TAF1: variants seen among roughly 807,000 people sequenced by gnomAD.
TAF1 encodes the protein TATA-box binding protein associated factor 1.
In TAF1, 2 loss-of-function variants were observed where a neutral mutation model predicts 138.5. The ratio of observed to expected loss-of-function variants is 0.01; its 90% CI spans 0.01 to 0.05. TAF1 has a LOEUF of 0.05. Ranked by LOEUF, TAF1 falls within the 10% of genes least tolerant of loss-of-function variation. The probability of loss-of-function intolerance (pLI) is 1.00; values close to 1 mark genes in which losing one functional copy is unlikely to be tolerated. For missense variants in TAF1, 709 were observed against 1,478.0 expected (o/e 0.48, Z 8.53); for synonymous variants, 437 against 503.2 (o/e 0.87, Z 1.76).
chrX:71,436,724 A>G (rs1373576359), intron 32 of TAF1, among the ~76,000 whole-genome samples: 1 of 111,391 alleles, frequency 9.0e-6, no homozygotes, highest in African/African-American at 3.3e-5. Flanking sequence ...TGCTTCATTG[A>G]TCTATTTGTC....
In TAF1 at chrX:71,458,326, T is replaced by G. The variant is rs763854338; in HGVS notation, c.5024T>G (p.Leu1675Trp). Residue 1675 changes from leucine (L) to tryptophan (W), a missense_variant, in exon 35 of 38, where the codon TTG becomes TGG. Transcript: ENST00000423759. ...VFQDESNMSVLDIPSATPEKQ... is the reference protein window; with the variant it reads ...VFQDESNMSVWDIPSATPEKQ... The stretch of plus-strand genomic sequence containing the variant: ...CAAGATGAGAGCAATATGTCTGTCT[T>G]GGATATTCCCAGTGCCACTCCAGAA... 46 of 1,210,516 alleles carry G rather than the reference T, an allele frequency of 3.8e-5. No individual in the cohort carries two copies. Among genetic ancestry groups the G allele is most frequent in the Non-Finnish European group, 4.6e-5 (41 of 895,302 alleles).
At chrX:71,389,746 A>G in intron 18 of TAF1, 81 bp downstream of exon 18, 7 of 810,524 alleles carry the variant, frequency 8.6e-6, no homozygotes, top group Non-Finnish European at 1.2e-5. Flanking sequence ...TTGAGATAAC[A>G]TAAAATAAAC....
intron 28 of TAF1, among the ~76,000 whole-genome samples, chrX:71,412,422 C>T (rs1486326971): frequency 1.8e-5 from 2 of 111,498 alleles, no homozygotes; most frequent in Admixed American, 1.9e-4. Context: ...AGCCATTGTG[C>T]CCAACCTCAT....
chrX:71,508,986 T>C (rs1256540766), intron 13 of TAF1, among the ~76,000 whole-genome samples: 1 of 108,858 alleles, frequency 9.2e-6, no homozygotes, highest in Non-Finnish European at 1.9e-5. Context: ...TTTTTTTTTT[T>C]TTGTAGAGGT....
intron 3 of TAF1, among the ~76,000 whole-genome samples, chrX:71,371,334 A>G (rs1214271047): frequency 1.8e-5 from 2 of 111,457 alleles, no homozygotes; most frequent in African/African-American, 6.5e-5. Context: ...CTTCTTTGGA[A>G]TAATTGGAAG....
At chrX:71,466,207 T>C (rs1340880430), downstream of TAF1, 1 of 111,396 alleles carries the variant, frequency 9.0e-6, no homozygotes, top group Admixed American at 9.6e-5. Context: ...GGTGAGTACA[T>C]GGTATTCATT....
At chrX:71,390,463 C>T (rs1310060795) in intron 18 of TAF1, among the ~76,000 whole-genome samples, 1 of 111,828 alleles carries the variant, frequency 8.9e-6, no homozygotes, top group Admixed American at 9.5e-5. Context: ...CCCCTCATTC[C>T]ACCCTGGATT....
At chrX:71,499,270 A>G (rs2039453301) in intron 13 of TAF1, among the ~76,000 whole-genome samples, 1 of 111,580 alleles carries the variant, frequency 9.0e-6, no homozygotes, top group African/African-American at 3.3e-5. Context: ...TCTGAGGGCC[A>G]TGACTAAGGC....
chrX:71,402,518 C>T (rs987042736), intron 25 of TAF1, among the ~76,000 whole-genome samples: 3 of 112,180 alleles, frequency 2.7e-5, no homozygotes, highest in Non-Finnish European at 5.6e-5. Context: ...GGATTACAGG[C>T]GTGAGCCATC....
intron 29 of TAF1, 100 bp downstream of exon 29, chrX:71,421,476 G>T: frequency 2.9e-6 from 2 of 687,350 alleles, no homozygotes; most frequent in Non-Finnish European, 4.5e-6. Context: ...AAAAATATAT[G>T]CGGGAGTAGC....
intron 32 of TAF1, among the ~76,000 whole-genome samples, chrX:71,428,984 G>A (rs1390286609): frequency 1.8e-5 from 2 of 111,857 alleles, no homozygotes; most frequent in African/African-American, 6.5e-5. Context: ...CCTCATATAG[G>A]AAGCAGGGAG....
intron 13 of TAF1, among the ~76,000 whole-genome samples, chrX:71,501,336 TGAGCCCGG>T (rs1206290515): frequency 9.0e-6 from 1 of 111,092 alleles, no homozygotes; most frequent in Admixed American, 9.7e-5. Context: ...TTCTGATTGC[TGAGCCCGG>T]GTGCCTAAAG....
intron 32 of TAF1, among the ~76,000 whole-genome samples, chrX:71,425,618 C>G (rs913881454): frequency 2.7e-5 from 3 of 111,343 alleles, no homozygotes; most frequent in Non-Finnish European, 3.8e-5. Context: ...GCACTACATC[C>G]TGGGCAACAG....
In TAF1 at chrX:71,367,553, A is replaced by C; in HGVS notation, c.175A>C (p.Thr59Pro). ...GGCTTTGGGGCTGGGCAGCCTGATC[A>C]CTGAACTCACGGCAAATGAAGAATT... is the stretch of plus-strand genomic sequence containing the variant. The part of the protein sequence containing the change: ...LGALGLGSLI[T>P]ELTANEELTG... Residue 59 changes from threonine (T) to proline (P), a missense_variant, in exon 2 of 38, where the codon ACT (threonine) becomes CCT (proline). By Grantham distance (38) the Thr-to-Pro change is conservative. Transcript: ENST00000423759. 8.3e-7 allele frequency: 1 copy of C among 1,211,862 alleles called. No individual in the cohort carries two copies. The highest frequency in any genetic ancestry group is 1.1e-6 in the Non-Finnish European group (1 of 895,575).
At chrX:71,496,198 G>T (rs186916422) in intron 13 of TAF1, among the ~76,000 whole-genome samples, 1 of 112,430 alleles carries the variant, frequency 8.9e-6, no homozygotes, top group Non-Finnish European at 1.9e-5. Context: ...GTCCTGTCCT[G>T]AAGGGAGTTC....
At chrX:71,444,263 C>T (rs973107202) in intron 32 of TAF1, among the ~76,000 whole-genome samples, 1 of 112,495 alleles carries the variant, frequency 8.9e-6, no homozygotes, top group Non-Finnish European at 1.9e-5. Context: ...CTTCCTCAGC[C>T]TCCCAAAGTG....
chrX:71,494,398 G>A (rs1437947645), intron 13 of TAF1, among the ~76,000 whole-genome samples: 1 of 110,976 alleles, frequency 9.0e-6, no homozygotes, highest in African/African-American at 3.3e-5. Flanking sequence ...ACTCCAGCCT[G>A]GGCAACAGAG....
At chrX:71,476,975 G>A (rs989656695) in intron 13 of TAF1, among the ~76,000 whole-genome samples, 1 of 108,394 alleles carries the variant, frequency 9.2e-6, no homozygotes, top group Admixed American at 1.0e-4. Context: ...GTCTTGCTCT[G>A]TTGCCCAAGC....
At chrX:71,375,607 TG>T (rs1246710690) in intron 4 of TAF1, among the ~76,000 whole-genome samples, 2 of 111,393 alleles carry the variant, frequency 1.8e-5, no homozygotes, top group Non-Finnish European at 3.8e-5. Flanking sequence ...CAGAAGATCT[TG>T]GGTAGAGTCC....
Sources: gnomAD v4.1 joint callset for allele counts (sites outside exome capture counted in the v4.1 genomes callset) on GRCh38, gnomAD v4.1.1 for gene constraint, MANE v1.5 for transcripts, NCBI Gene and HGNC (gene_info 2026-07-23, HGNC 2026-07-21) for gene names.